IKZF4: variants seen among roughly 807,000 people sequenced by gnomAD.
The protein encoded by IKZF4 is IKAROS family zinc finger 4, also known as zinc finger protein Eos.
IKZF4 carries 11 observed loss-of-function variants against 47.7 expected under a neutral mutation model. The ratio of observed to expected loss-of-function variants is 0.23; its 90% CI spans 0.15 to 0.38. IKZF4 has a LOEUF of 0.38. IKZF4 is among the 10% of genes least tolerant of loss of function. IKZF4 has a pLI of 1.00. For missense variants in IKZF4, 557 were observed against 784.9 expected (o/e 0.71, Z 3.47); for synonymous variants, 298 against 299.4 (o/e 1.00, Z 0.05).
Position 56,021,507 on chromosome 12 carries a change from C to G in IKZF4, c.14C>G (p.Pro5Arg), listed in dbSNP as rs764484568. 16 of 1,604,970 alleles carry G rather than the reference C, an allele frequency of 1.0e-5. No individual in the cohort carries two copies. The highest frequency in any genetic ancestry group is 1.1e-5 in the Non-Finnish European group (13 of 1,176,468). The part of the protein sequence containing the change: MHTP[P>R]ALPRRFQGGG... ...TGAGACGCAGACATGCATACACCAC[C>G]CGCACTCCCTCGCCGTTTCCAAGGC... Residue 5 changes from proline (P) to arginine (R), a missense_variant, in exon 1 of 8, where the codon CCC becomes CGC. By Grantham distance (103) the Pro-to-Arg change is moderately radical (BLOSUM62 -2). Coordinates refer to ENST00000547167, the MANE Select transcript of IKZF4 (RefSeq NM_022465.4).
chr12:56,022,752 G>A (rs1011892983), intron 1 of IKZF4, among the ~76,000 whole-genome samples: 4 of 151,346 alleles, frequency 2.6e-5, no homozygotes, highest in African/African-American at 9.7e-5. Flanking sequence ...CTGTTTCTGG[G>A]CCTTAATTGG....
chr12:56,027,716 T>C, intron 4 of IKZF4, 64 bp from the exon 5 acceptor site: 1 of 1,537,792 alleles, frequency 6.5e-7, no homozygotes, highest in Non-Finnish European at 8.9e-7. Context: ...AGAGGGTGGG[T>C]GATAGGTTCA....
intron 5 of IKZF4, among the ~76,000 whole-genome samples, chr12:56,028,819 G>T (rs187534109): frequency 1.3e-5 from 2 of 151,268 alleles, no homozygotes; most frequent in East Asian, 3.9e-4. Flanking sequence ...CAAGCAATCG[G>T]CCCACCTCAG....
chr12:56,032,294 C>T, intron 5 of IKZF4: 1 of 393,202 alleles, frequency 2.5e-6, no homozygotes, highest in South Asian at 2.9e-5. Context: ...AACAATTTGG[C>T]CATCTTGAAC....
chr12:56,026,233 G>A lies in IKZF4; in HGVS notation c.287-548G>A, dbSNP rs189379888. Among the ~76,000 whole-genome samples, 107 of 149,546 alleles carry A rather than the reference G, an allele frequency of 7.2e-4. 1 individual carries two copies. Among genetic ancestry groups the A allele is most frequent in the East Asian group, 1.3e-3 (6 of 4,708 alleles). ...ATTACAGGCGTGAGCCACCACACCC[G>A]GCCCAACTTTTTTCTCTTGAAGCCT... On this transcript the variant is annotated intron_variant, in intron 3 of 7. Coordinates refer to ENST00000547167, the MANE Select transcript of IKZF4 (RefSeq NM_022465.4).
chr12:56,016,350 G>C (rs1425073454), upstream of IKZF4, among the ~76,000 whole-genome samples: 3 of 151,712 alleles, frequency 2.0e-5, no homozygotes, highest in Non-Finnish European at 4.4e-5. Flanking sequence ...CCCCATTCTT[G>C]CTTCTGCCTC....
chr12:56,017,105 T>C (rs12815387), upstream of IKZF4, among the ~76,000 whole-genome samples: 13,985 of 151,764 alleles, frequency 0.092, 758 homozygotes, highest in African/African-American at 0.14. Flanking sequence ...AAAGAGATAA[T>C]TCATTGCAAC....
upstream of IKZF4, chr12:56,018,198 A>G (rs76487680): frequency 6.6e-5 from 85 of 1,288,434 alleles, no homozygotes; most frequent in Non-Finnish European, 7.9e-5. Flanking sequence ...TGTGTGTTCT[A>G]TTTGTTAGGG....
At chr12:56,016,732 G>T (rs1411380815), upstream of IKZF4, among the ~76,000 whole-genome samples, 1 of 152,072 alleles carries the variant, frequency 6.6e-6, no homozygotes, top group Non-Finnish European at 1.5e-5. Flanking sequence ...TAGTAGCTGG[G>T]ATTACAGGCA....
In IKZF4 at chr12:56,026,910, G is replaced by C. The variant is rs776235616; in HGVS notation, c.416G>C (p.Cys139Ser). 12 of 1,613,284 alleles carry C rather than the reference G, an allele frequency of 7.4e-6. No individual in the cohort carries two copies. The highest frequency in any genetic ancestry group is 1.7e-5 in the Admixed American group (1 of 59,892). The stretch of plus-strand genomic sequence containing the variant: ...TCATTGTCTGAGCCCCTGGGCTACT[G>C]TGATGGGAGTGGGCCAGAGCCTCAC... Reference protein sequence around the residue: ...EDSLSEPLGYCDGSGPEPHSP... With the variant: ...EDSLSEPLGYSDGSGPEPHSP... The change falls in exon 4 of 8, where the codon TGT becomes TCT. Residue 139 changes from cysteine to serine, a missense_variant. Around this residue, in one of 6 missense-constraint regions of IKZF4, gnomAD observed 112 missense variants for 168.2 expected, o/e 0.67. Coordinates refer to ENST00000547167, the MANE Select transcript of IKZF4 (RefSeq NM_022465.4).
upstream of IKZF4, chr12:56,021,011 G>C: frequency 3.0e-6 from 3 of 994,964 alleles, no homozygotes; most frequent in South Asian, 4.1e-5. Context: ...CCCACCCGCA[G>C]GCCCATCCAT....
At chr12:56,026,381 C>G (rs1893994078) in intron 3 of IKZF4, among the ~76,000 whole-genome samples, 1 of 152,024 alleles carries the variant, frequency 6.6e-6, no homozygotes, top group Non-Finnish European at 1.5e-5. Flanking sequence ...TAAAGACACC[C>G]TCTTAAACTT....
chr12:56,033,460 C>T (rs1170124717), intron 7 of IKZF4, 139 bp downstream of exon 7: 2 of 1,087,222 alleles, frequency 1.8e-6, no homozygotes, highest in African/African-American at 1.6e-5. Flanking sequence ...GTAATCCCAG[C>T]ACTTTGGGAG....
chr12:56,032,487 C>T, intron 5 of IKZF4, 74 bp from the exon 6 acceptor site: 3 of 1,442,406 alleles, frequency 2.1e-6, no homozygotes, highest in Non-Finnish European at 2.8e-6. Context: ...TGTATACTTG[C>T]TCTTGGCTGA....
intron 5 of IKZF4, among the ~76,000 whole-genome samples, chr12:56,028,221 C>T (rs1004717111): frequency 3.3e-5 from 5 of 152,032 alleles, no homozygotes; most frequent in African/African-American, 1.2e-4. Context: ...GAGCAATGTT[C>T]TTGGCTGTTA....
chr12:56,020,303 G>A (rs1285169544), upstream of IKZF4, among the ~76,000 whole-genome samples: 1 of 152,174 alleles, frequency 6.6e-6, no homozygotes, highest in African/African-American at 2.4e-5. Flanking sequence ...CCCTTCTGGG[G>A]CAGGGAAAAG....
chr12:56,018,196 C>T, upstream of IKZF4: 1 of 1,288,778 alleles, frequency 7.8e-7, no homozygotes, highest in South Asian at 1.2e-5. Flanking sequence ...TCTGTGTGTT[C>T]TATTTGTTAG....
chr12:56,026,860 G>T lies in IKZF4; in HGVS notation c.366G>T (p.Lys122Asn). The change falls in exon 4 of 8, where the codon AAG becomes AAT. Residue 122 changes from lysine to asparagine, a missense_variant. Physicochemically the swap from Lys to Asn is moderately conservative, Grantham distance 94 (BLOSUM62 0). Around this residue, in one of 6 missense-constraint regions of IKZF4, gnomAD observed 112 missense variants for 168.2 expected, o/e 0.67. Coordinates refer to ENST00000547167, the MANE Select transcript of IKZF4 (RefSeq NM_022465.4). Reference protein sequence around the residue: ...LLGPDERLLEKDDSVIVEDSL... With the variant: ...LLGPDERLLENDDSVIVEDSL... ...GGCCAGATGAGCGGCTCCTGGAAAAGGACGACAGCGTGATTGTGGAAGATT... is the reference window on the plus strand; with the variant it reads ...GGCCAGATGAGCGGCTCCTGGAAAATGACGACAGCGTGATTGTGGAAGATT... 1 of 1,613,278 alleles carries T rather than the reference G, an allele frequency of 6.2e-7. No homozygotes were observed. Among genetic ancestry groups the T allele is most frequent in the Non-Finnish European group, 8.5e-7 (1 of 1,179,634 alleles).
intron 4 of IKZF4, 23 bp from the exon 5 acceptor site, chr12:56,027,757 G>A: frequency 1.2e-6 from 2 of 1,608,038 alleles, no homozygotes; most frequent in South Asian, 2.2e-5. Flanking sequence ...GCAGTCCTCT[G>A]GGATTTGTTC....
Sources: allele counts gnomAD v4.1 joint callset (sites outside exome capture counted in the v4.1 genomes callset), GRCh38; gene constraint gnomAD v4.1.1; regional missense constraint gnomAD v4.1.1; transcripts MANE v1.5; gene names NCBI Gene and HGNC (gene_info 2026-07-23, HGNC 2026-07-21).